Variants in INSIG2 observed in about 807,000 individuals in gnomAD.
INSIG2 encodes insulin induced gene 2.
In INSIG2, 10 loss-of-function variants were observed where a neutral mutation model predicts 27.2. The ratio of observed to expected loss-of-function variants is 0.37; its 90% CI spans 0.23 to 0.62. The LOEUF is 0.62. Ranked by LOEUF, INSIG2 falls within the 20% of genes least tolerant of loss-of-function variation. The pLI is 0.65. For missense variants in INSIG2, 178 were observed against 270.2 expected (o/e 0.66, Z 2.39); for synonymous variants, 97 against 95.8 (o/e 1.01, Z -0.07).
In INSIG2 at chr2:118,109,665, C is replaced by G. The variant is rs1485321386; in HGVS notation, c.*1343C>G. The G allele has an allele frequency of 6.6e-6, 1 of 151,622 alleles. No individual in the cohort carries two copies. Among genetic ancestry groups the G allele is most frequent in the African/African-American group, 2.4e-5 (1 of 41,072 alleles). 9.4% of individuals were successfully genotyped at this position (151,622 alleles called of 1,614,324 possible). The stretch of plus-strand genomic sequence containing the variant: ...TGTCTGTGCATGTGGCCATGCTTTC[C>G]TAGAATGTCAAGTAGATATTTTTAC... On this transcript the variant is annotated 3_prime_UTR_variant, in exon 6 of 6. Coordinates refer to ENST00000245787, the MANE Select transcript of INSIG2 (RefSeq NM_016133.4).
At chr2:118,107,636 C>T (rs534635287) in intron 5 of INSIG2, among the ~76,000 whole-genome samples, 2 of 152,304 alleles carry the variant, frequency 1.3e-5, no homozygotes, top group East Asian at 3.9e-4. Context: ...TCAGAGGCCA[C>T]AGCAGTTTTA....
intron 4 of INSIG2, 44 bp from the exon 5 acceptor site, chr2:118,107,046 T>C (rs748779338): frequency 1.4e-5 from 21 of 1,463,248 alleles, no homozygotes; most frequent in Non-Finnish European, 2.0e-5. Context: ...TTAAGTGTCA[T>C]TGCAGTTCCT....
chr2:118,109,290 G>A lies in INSIG2; in HGVS notation c.*968G>A, dbSNP rs1223731293. On this transcript the variant is annotated 3_prime_UTR_variant, in exon 6 of 6. Coordinates refer to ENST00000245787, the MANE Select transcript of INSIG2 (RefSeq NM_016133.4). Reference sequence around the variant, plus strand: ...ATTGGGTTCTGTGAAGCAAACCACTGTAGCTTTAGCTGGGTTCAGTCATAT... The same window carrying A: ...ATTGGGTTCTGTGAAGCAAACCACTATAGCTTTAGCTGGGTTCAGTCATAT... The A allele has an allele frequency of 6.6e-6, 1 of 152,174 alleles. No homozygotes were observed. The highest frequency in any genetic ancestry group is 1.5e-5 in the Non-Finnish European group (1 of 68,026). The allele number at this position is 152,174 out of a possible 1,614,324, so 9.4% of individuals were successfully genotyped here. A position where few individuals can be genotyped will look rare whatever the true frequency, so the allele number is the denominator to read the frequency against.
At position 118,109,471 on chromosome 2, in the gene INSIG2, A is replaced by G. The variant is rs1678760490; in HGVS notation, c.*1149A>G. On this transcript the variant is annotated 3_prime_UTR_variant, in exon 6 of 6. Coordinates refer to ENST00000245787, the MANE Select transcript of INSIG2 (RefSeq NM_016133.4). ...GCATTCTCTGCATGTTAAAGATCTT[A>G]ATGGCAACCAGCACCTCTTAAGTAT... 6.6e-6 allele frequency: 1 copy of G among 152,240 alleles called. No individual in the cohort carries two copies. Among genetic ancestry groups the G allele is most frequent in the African/African-American group, 2.4e-5 (1 of 41,454 alleles). The allele number at this position is 152,240 out of a possible 1,614,324, so 9.4% of individuals were successfully genotyped here. A position where few individuals can be genotyped will look rare whatever the true frequency, so the allele number is the denominator to read the frequency against.
chr2:118,090,940 C>T (rs763442206), intron 1 of INSIG2, among the ~76,000 whole-genome samples: 4 of 152,084 alleles, frequency 2.6e-5, no homozygotes, highest in Non-Finnish European at 4.4e-5. Context: ...AGATTGTTTT[C>T]GAGAATCTAT....
rs1678776290 is a variant in INSIG2, at chr2:118,110,017, TATC to T, written c.*1699_*1701del. On this transcript the variant is annotated 3_prime_UTR_variant, in exon 6 of 6. Transcript: ENST00000245787. ...AAGCAACACGTATTAAATATGTAAT[TATC>T]ATCTGGGTTAAGAGTCTGTTTTTCT... 1 of 152,640 alleles carries T rather than the reference TATC, an allele frequency of 6.6e-6. No homozygotes were observed. Among genetic ancestry groups the T allele is most frequent in the Admixed American group, 6.5e-5 (1 of 15,284 alleles). 9.5% of individuals were successfully genotyped at this position (152,640 alleles called of 1,614,324 possible). A position where few individuals can be genotyped will look rare whatever the true frequency, so the allele number is the denominator to read the frequency against.
At chr2:118,088,891 A>G (rs1429349331) in intron 1 of INSIG2, among the ~76,000 whole-genome samples, 1 of 152,190 alleles carries the variant, frequency 6.6e-6, no homozygotes, top group Non-Finnish European at 1.5e-5. Context: ...GCTGTCAAGC[A>G]TAGAGCTGCC....
rs1486743095 is a variant in INSIG2, at chr2:118,103,295, T to G, written c.343T>G (p.Phe115Val). 1 of 1,613,290 alleles carries G rather than the reference T, an allele frequency of 6.2e-7. No homozygotes were observed. Among genetic ancestry groups the G allele is most frequent in the Non-Finnish European group, 8.5e-7 (1 of 1,179,488 alleles). The stretch of plus-strand genomic sequence containing the variant: ...CAGTGTAATGCGGTGTGTAGCAGTC[T>G]TTGTTGGTATAAATCATGCCAGTGC... ...WSSVMRCVAV[F>V]VGINHASAKV... The change falls in exon 3 of 6, where the codon TTT (phenylalanine) becomes GTT (valine). Residue 115 changes from phenylalanine (F) to valine (V), a missense_variant. Coordinates refer to ENST00000245787, the MANE Select transcript of INSIG2 (RefSeq NM_016133.4).
intron 3 of INSIG2, among the ~76,000 whole-genome samples, chr2:118,105,422 T>C (rs1167335886): frequency 6.6e-6 from 1 of 152,210 alleles, no homozygotes; most frequent in Non-Finnish European, 1.5e-5. Flanking sequence ...TTAAGTTTAG[T>C]TAGCAAACAT....
At chr2:118,105,960 A>G (rs554917671) in intron 3 of INSIG2, among the ~76,000 whole-genome samples, 2 of 152,266 alleles carry the variant, frequency 1.3e-5, no homozygotes, top group African/African-American at 4.8e-5. Flanking sequence ...TGTAAAGCTT[A>G]ATTTTACCCA....
At chr2:118,088,637 GT>G (rs1335517607) in intron 1 of INSIG2, 96 bp downstream of exon 1, 2 of 153,238 alleles carry the variant, frequency 1.3e-5, no homozygotes, top group Admixed American at 6.5e-5. Flanking sequence ...AACTACTTGT[GT>G]TTTTGCAGCC....
At chr2:118,100,427 G>C (rs1181102679) in intron 2 of INSIG2, among the ~76,000 whole-genome samples, 1 of 121,556 alleles carries the variant, frequency 8.2e-6, no homozygotes, top group Non-Finnish European at 1.6e-5. Flanking sequence ...CACCTGGGCT[G>C]GAGTGCAGTG....
At chr2:118,091,841 G>A (rs1678239478) in intron 1 of INSIG2, among the ~76,000 whole-genome samples, 1 of 152,194 alleles carries the variant, frequency 6.6e-6, no homozygotes, top group African/African-American at 2.4e-5. Context: ...GTCTCTAGCT[G>A]TCTTGAAATA....
intron 1 of INSIG2, among the ~76,000 whole-genome samples, chr2:118,095,779 G>GGATA (rs1440097703): frequency 3.3e-5 from 5 of 152,156 alleles, no homozygotes; most frequent in Non-Finnish European, 4.4e-5. Context: ...GACAGGAGTG[G>GGATA]GATACAGTTG....
chr2:118,104,831 A>C (rs898050798), intron 3 of INSIG2, among the ~76,000 whole-genome samples: 1 of 152,124 alleles, frequency 6.6e-6, no homozygotes, highest in Non-Finnish European at 1.5e-5. Context: ...TTTTGTTTTT[A>C]AGTAGAGAAA....
chr2:118,108,166 A>G (rs1678721079), intron 5 of INSIG2, 115 bp from the exon 6 acceptor site: 1 of 631,708 alleles, frequency 1.6e-6, no homozygotes, highest in South Asian at 2.0e-5. Context: ...TATTTGAGGA[A>G]TAAATGGGCA....
chr2:118,106,994 C>A, intron 4 of INSIG2, 91 bp downstream of exon 4: 1 of 1,502,780 alleles, frequency 6.7e-7, no homozygotes. Flanking sequence ...ATGAGGTTAG[C>A]CAGTTTAATC....
intron 2 of INSIG2, among the ~76,000 whole-genome samples, chr2:118,098,676 T>A (rs919282487): frequency 6.6e-6 from 1 of 152,230 alleles, no homozygotes; most frequent in African/African-American, 2.4e-5. Context: ...GGGCTGCACC[T>A]GCTGTCTTGT....
At chr2:118,096,926 C>A in intron 2 of INSIG2, 126 bp downstream of exon 2, 1 of 1,048,830 alleles carries the variant, frequency 9.5e-7, no homozygotes, top group Non-Finnish European at 1.3e-6. Context: ...AGGTATAATA[C>A]ACTGGACCCG....
Sources: gnomAD v4.1 joint callset for allele counts (sites outside exome capture counted in the v4.1 genomes callset) on GRCh38, gnomAD v4.1.1 for gene constraint, MANE v1.5 for transcripts, NCBI Gene and HGNC (gene_info 2026-07-23, HGNC 2026-07-21) for gene names.